SAMTOR: variants seen among roughly 807,000 people sequenced by gnomAD.
SAMTOR encodes the protein S-adenosylmethionine sensor upstream of mTORC1, also known as UPF0532 protein C7orf60.
At chr7:112,888,573 T>C in the SAMTOR span, among the ~76,000 whole-genome samples, 3 of 152,108 alleles carry the variant, frequency 2.0e-5, no homozygotes, top group Non-Finnish European at 4.4e-5. Flanking sequence ...TTCTGAGATA[T>C]AGATGACTTA....
At chr7:112,922,288 C>T in the SAMTOR span, among the ~76,000 whole-genome samples, 1 of 152,182 alleles carries the variant, frequency 6.6e-6, no homozygotes, top group Non-Finnish European at 1.5e-5. Flanking sequence ...AGTGCAGTGG[C>T]ATGATCTCGG....
At chr7:112,876,653 A>C in the SAMTOR span, among the ~76,000 whole-genome samples, 1 of 152,154 alleles carries the variant, frequency 6.6e-6, no homozygotes, top group African/African-American at 2.4e-5. Context: ...CTTTCAACCC[A>C]TATAACAGTG....
At chr7:112,931,664 C>G in the SAMTOR span, among the ~76,000 whole-genome samples, 1 of 152,078 alleles carries the variant, frequency 6.6e-6, no homozygotes, top group Admixed American at 6.6e-5. Context: ...AAAGTCTTAC[C>G]CTAATTTCTA....
At chr7:112,934,977 TATTACTG>T in the SAMTOR span, among the ~76,000 whole-genome samples, 1 of 152,242 alleles carries the variant, frequency 6.6e-6, no homozygotes. Context: ...TATCTTTTAC[TATTACTG>T]ATTACTGAAC....
chr7:112,863,076 A>T, the SAMTOR span, among the ~76,000 whole-genome samples: 1 of 152,178 alleles, frequency 6.6e-6, no homozygotes, highest in African/African-American at 2.4e-5. Context: ...CTGGTTTAAA[A>T]AAATACATAT....
the SAMTOR span, among the ~76,000 whole-genome samples, chr7:112,933,494 T>C: frequency 6.6e-6 from 1 of 152,224 alleles, no homozygotes; most frequent in Non-Finnish European, 1.5e-5. Flanking sequence ...CTACCTATTA[T>C]TGAAAAATCA....
the SAMTOR span, among the ~76,000 whole-genome samples, chr7:112,882,460 G>A: frequency 6.6e-6 from 1 of 152,170 alleles, no homozygotes; most frequent in African/African-American, 2.4e-5. Context: ...GGAGGCCGAG[G>A]CAGGAGGATC....
At chr7:112,894,847 C>T in the SAMTOR span, among the ~76,000 whole-genome samples, 1 of 152,090 alleles carries the variant, frequency 6.6e-6, no homozygotes, top group Non-Finnish European at 1.5e-5. Flanking sequence ...GAAAATGGTG[C>T]CAATCGACTT....
chr7:112,834,161 T>A, the SAMTOR span, among the ~76,000 whole-genome samples: 1 of 152,214 alleles, frequency 6.6e-6, no homozygotes, highest in Non-Finnish European at 1.5e-5. Flanking sequence ...TTTATTAGCA[T>A]GGCATTAAGT....
the SAMTOR span, among the ~76,000 whole-genome samples, chr7:112,866,340 C>G: frequency 1.3e-5 from 2 of 152,152 alleles, no homozygotes; most frequent in East Asian, 3.9e-4. Flanking sequence ...TACAGTTGCT[C>G]AATACCAGGA....
the SAMTOR span, among the ~76,000 whole-genome samples, chr7:112,861,942 G>A: frequency 1.3e-5 from 2 of 152,026 alleles, no homozygotes; most frequent in African/African-American, 4.8e-5. Context: ...GGGTCACATC[G>A]TTGTACTAAA....
the SAMTOR span, among the ~76,000 whole-genome samples, chr7:112,882,104 T>C: frequency 6.6e-6 from 1 of 152,202 alleles, no homozygotes; most frequent in Admixed American, 6.5e-5. Context: ...TGTGGTACAC[T>C]GGATCCAGCA....
At chr7:112,831,454 C>T in the SAMTOR span, among the ~76,000 whole-genome samples, 6 of 152,000 alleles carry the variant, frequency 3.9e-5, no homozygotes, top group Non-Finnish European at 4.4e-5. Flanking sequence ...GTCAGGAGTT[C>T]GAGACCAGCC....
the SAMTOR span, among the ~76,000 whole-genome samples, chr7:112,864,848 G>A: frequency 6.6e-5 from 10 of 152,258 alleles, no homozygotes; most frequent in East Asian, 7.8e-4. Context: ...TTGACCTCTC[G>A]GGCTTAAGTG....
At chr7:112,918,238 C>T in the SAMTOR span, among the ~76,000 whole-genome samples, 2 of 152,204 alleles carry the variant, frequency 1.3e-5, no homozygotes, top group Non-Finnish European at 2.9e-5. Context: ...ATCAGACTAA[C>T]AGCGGATCTC....
chr7:112,904,916 T>G, the SAMTOR span, among the ~76,000 whole-genome samples: 1 of 152,174 alleles, frequency 6.6e-6, no homozygotes, highest in Non-Finnish European at 1.5e-5. Flanking sequence ...GAGGGTGTGC[T>G]TATACATCCA....
chr7:112,826,708 T>C, the SAMTOR span, among the ~76,000 whole-genome samples: 6 of 152,174 alleles, frequency 3.9e-5, no homozygotes, highest in Non-Finnish European at 7.4e-5. Context: ...ATGTCATTGC[T>C]TTGAGACTGT....
chr7:112,921,289 GC>G, the SAMTOR span, among the ~76,000 whole-genome samples: 1 of 152,012 alleles, frequency 6.6e-6, no homozygotes, highest in African/African-American at 2.4e-5. Context: ...CAGAAATAAC[GC>G]CGCATATCTA....
At chr7:112,876,033 T>TGGTG in the SAMTOR span, among the ~76,000 whole-genome samples, 1 of 152,160 alleles carries the variant, frequency 6.6e-6, no homozygotes, top group African/African-American at 2.4e-5. Context: ...CAATCTTAGC[T>TGGTG]CACCACAGCC....
Sources: allele counts gnomAD v4.1 joint callset (sites outside exome capture counted in the v4.1 genomes callset), GRCh38; gene constraint gnomAD v4.1.1; transcripts MANE v1.5; gene names NCBI Gene and HGNC (gene_info 2026-07-23, HGNC 2026-07-21).